The following TSN variants were observed in gnomAD, a reference collection of about 807,000 sequenced individuals.
TSN encodes component 3 of promoter of RISC.
A neutral mutation model predicts 29.4 loss-of-function variants in TSN; 5 were observed. The ratio of observed to expected loss-of-function variants is 0.17; its 90% confidence interval spans 0.09 to 0.36. The LOEUF (loss-of-function observed/expected upper bound fraction) is 0.36, where lower values mean the gene tolerates loss of function less well. Ranked by LOEUF, TSN falls within the 10% of genes least tolerant of loss-of-function variation. TSN has a pLI of 1.00. For missense variants in TSN, 159 were observed against 272.8 expected (o/e 0.58, Z 2.94); for synonymous variants, 106 against 102.2 (o/e 1.04, Z -0.23).
At chr2:121,758,851 AAGG>A in intron 3 of TSN, 45 bp downstream of exon 3, 2 of 1,341,708 alleles carry the variant, frequency 1.5e-6, no homozygotes, top group East Asian at 2.6e-5. Flanking sequence ...AAGTAAAAAA[AAGG>A]AGAAAAATTA....
rs1256977134 is a variant in TSN, at chr2:121,767,382, T to A, written c.*2015T>A. The A allele has an allele frequency of 6.6e-6, 1 of 152,172 alleles. No homozygotes were observed. The highest frequency in any genetic ancestry group is 1.5e-5 in the Non-Finnish European group (1 of 68,042). The allele number at this position is 152,172 out of a possible 1,614,324, so 9.4% of individuals were successfully genotyped here. A position where few individuals can be genotyped will look rare whatever the true frequency, so the allele number is the denominator to read the frequency against. On this transcript the variant is annotated 3_prime_UTR_variant, in exon 6 of 6. Transcript: ENST00000389682. Reference sequence around the variant, plus strand: ...AAAGAAGACCGGGGTGACAAGCAGATACTGCTGTGTAATGGTTACACTAAC... The same window carrying A: ...AAAGAAGACCGGGGTGACAAGCAGAAACTGCTGTGTAATGGTTACACTAAC...
At chr2:121,764,324 G>A (rs2074874427) in intron 5 of TSN, among the ~76,000 whole-genome samples, 1 of 152,054 alleles carries the variant, frequency 6.6e-6, no homozygotes, top group Non-Finnish European at 1.5e-5. Context: ...ACATGTTGGG[G>A]CCGGGCACAG....
At chr2:121,755,890 G>C in intron 1 of TSN, 45 bp downstream of exon 1, 1 of 1,612,294 alleles carries the variant, frequency 6.2e-7, no homozygotes, top group Non-Finnish European at 8.5e-7. Context: ...TCCATGCCTA[G>C]TTGGGCCACT....
chr2:121,759,072 A>C (rs2074786811), intron 3 of TSN, among the ~76,000 whole-genome samples: 1 of 152,216 alleles, frequency 6.6e-6, no homozygotes, highest in Admixed American at 6.5e-5. Flanking sequence ...AAAAGTGAGA[A>C]TATCTTTTTG....
At chr2:121,757,380 G>T (rs775508526) in intron 2 of TSN, 47 bp downstream of exon 2, 2 of 1,612,306 alleles carry the variant, frequency 1.2e-6, no homozygotes, top group Non-Finnish European at 1.7e-6. Context: ...TATTTAGAGG[G>T]AGAGTTTCTA....
At chr2:121,761,119 C>T (rs2074821489) in intron 3 of TSN, among the ~76,000 whole-genome samples, 1 of 152,152 alleles carries the variant, frequency 6.6e-6, no homozygotes, top group Admixed American at 6.6e-5. Context: ...GATCAACCTG[C>T]CTCTGCTTCT....
chr2:121,758,976 TC>T (rs1271365230), intron 3 of TSN, among the ~76,000 whole-genome samples, 170 bp downstream of exon 3: 1 of 152,230 alleles, frequency 6.6e-6, no homozygotes, highest in Non-Finnish European at 1.5e-5. Context: ...TTTATTTTTT[TC>T]TTCTTTTTAC....
chr2:121,761,993 A>G (rs1037581967), intron 4 of TSN, among the ~76,000 whole-genome samples: 2 of 129,132 alleles, frequency 1.5e-5, no homozygotes, highest in African/African-American at 2.9e-5. Context: ...AATTTTTTGT[A>G]TTTTTTTTTT....
At chr2:121,759,976 T>C (rs1215330974) in intron 3 of TSN, among the ~76,000 whole-genome samples, 1 of 152,230 alleles carries the variant, frequency 6.6e-6, no homozygotes. Flanking sequence ...CTTGGCCCTT[T>C]ACAGAAAACA....
chr2:121,762,714 C>T (rs1250230789), intron 4 of TSN, among the ~76,000 whole-genome samples: 1 of 152,170 alleles, frequency 6.6e-6, no homozygotes, highest in Non-Finnish European at 1.5e-5. Context: ...AATATCGTAA[C>T]TCCTTTCTGA....
intron 2 of TSN, chr2:121,757,712 A>G (rs2074770187): frequency 1.0e-5 from 2 of 196,760 alleles, no homozygotes; most frequent in South Asian, 1.5e-4. Flanking sequence ...GCTGGAGTGC[A>G]GTGGTGCCAT....
At chr2:121,761,916 C>T (rs1369376158) in intron 4 of TSN, among the ~76,000 whole-genome samples, 1 of 151,928 alleles carries the variant, frequency 6.6e-6, no homozygotes, top group Admixed American at 6.6e-5. Flanking sequence ...CTCCCAGGTT[C>T]AAGTGATTCT....
intron 3 of TSN, among the ~76,000 whole-genome samples, chr2:121,759,872 G>C (rs972779830): frequency 6.6e-6 from 1 of 152,202 alleles, no homozygotes; most frequent in African/African-American, 2.4e-5. Context: ...GCTAAGAATT[G>C]CTTTTGTTTT....
chr2:121,765,076 G>C (rs1232297572), intron 5 of TSN, 58 bp from the exon 6 acceptor site: 3 of 1,521,130 alleles, frequency 2.0e-6, no homozygotes, highest in South Asian at 1.1e-5. Flanking sequence ...TTCAGAGGAA[G>C]ATGCGCTGAG....
intron 3 of TSN, among the ~76,000 whole-genome samples, chr2:121,760,971 G>A (rs2074818675): frequency 6.7e-6 from 1 of 150,122 alleles, no homozygotes; most frequent in African/African-American, 2.5e-5. Context: ...CCAGGTTCAA[G>A]CAGTTCTCCT....
intron 2 of TSN, 145 bp downstream of exon 2, chr2:121,757,478 G>T (rs1054823222): frequency 9.4e-6 from 14 of 1,491,616 alleles, no homozygotes; most frequent in Non-Finnish European, 1.3e-5. Flanking sequence ...AATTTTGGTT[G>T]ATTTTTCTTC....
At chr2:121,756,731 CCT>C in intron 1 of TSN, 1 of 659,510 alleles carries the variant, frequency 1.5e-6, no homozygotes, top group Non-Finnish European at 2.3e-6. Context: ...ATGGGGAAAC[CCT>C]GTCTCTACTA....
Position 121,758,751 on chromosome 2 carries a change from G to A in TSN, c.202G>A (p.Val68Ile). 6.3e-7 allele frequency: 1 copy of A among 1,590,960 alleles called. No homozygotes were observed. Among genetic ancestry groups the A allele is most frequent in the Middle Eastern group, 1.7e-4 (1 of 6,012 alleles). ...GAAAGCTCGAGAACATTTTGGTACA[G>A]TAAAAACACATCTAACATCTTTGAA... The part of the protein sequence containing the change: ...CLKAREHFGT[V>I]KTHLTSLKTK... Residue 68 changes from valine to isoleucine, a missense_variant, in exon 3 of 6, where the codon GTA (valine) becomes ATA (isoleucine). This residue lies in a region of TSN where 31 missense variants were observed against 26.1 expected (regional missense o/e 1.19). Coordinates refer to ENST00000389682, the MANE Select transcript of TSN (RefSeq NM_004622.3).
chr2:121,764,085 T>TTG (rs893140847), intron 5 of TSN, among the ~76,000 whole-genome samples: 2 of 152,182 alleles, frequency 1.3e-5, no homozygotes, highest in African/African-American at 4.8e-5. Context: ...TTCTTTGAAG[T>TTG]TGTACACACA....
Sources: allele counts gnomAD v4.1 joint callset (sites outside exome capture counted in the v4.1 genomes callset), GRCh38; gene constraint gnomAD v4.1.1; regional missense constraint gnomAD v4.1.1; transcripts MANE v1.5; gene names NCBI Gene and HGNC (gene_info 2026-07-23, HGNC 2026-07-21).